Variants in TMEM132C observed in about 807,000 individuals in gnomAD.
The protein encoded by TMEM132C is transmembrane protein 132C, also known as protein phosphatase 1, regulatory subunit 152.
TMEM132C carries 29 observed loss-of-function variants against 61.4 expected under a neutral mutation model. The ratio of observed to expected loss-of-function variants is 0.47; its 90% CI spans 0.35 to 0.64. The LOEUF (loss-of-function observed/expected upper bound fraction) is 0.64, where lower values mean the gene tolerates loss of function less well. Ranked by LOEUF, TMEM132C falls within the 30% of genes least tolerant of loss-of-function variation. TMEM132C has a pLI of 0.00. For synonymous variants in TMEM132C, 656 were observed against 633.1 expected, an observed-to-expected ratio of 1.04 and a Z score of -0.54; for missense variants, 1,408 against 1,476.9, an observed-to-expected ratio of 0.95 and a Z score of 0.76.
At chr12:128,275,124 C>T (rs2097426892) in intron 1 of TMEM132C, among the ~76,000 whole-genome samples, 1 of 152,150 alleles carries the variant, frequency 6.6e-6, no homozygotes, top group Non-Finnish European at 1.5e-5. Flanking sequence ...TAAAGGACAG[C>T]TTTTCTGAGC....
In TMEM132C at chr12:128,608,570, C is replaced by T. The variant is rs1876506000; in HGVS notation, c.1122-7582C>T. Among the ~76,000 whole-genome samples the T allele has an allele frequency of 2.6e-5, 4 of 152,144 alleles. No individual in the cohort carries two copies. In the South Asian group the frequency reaches 8.3e-4, roughly 31 times the overall value. ...TAAGATCTACCCAACCATATCTGTG[C>T]ATAGAAATTAGGAAATAAAGAAAAA... On this transcript the variant is annotated intron_variant, in intron 3 of 8. Coordinates refer to ENST00000435159, the MANE Select transcript of TMEM132C (RefSeq NM_001136103.3).
intron 3 of TMEM132C, among the ~76,000 whole-genome samples, chr12:128,579,655 C>A (rs1231490305): frequency 6.6e-6 from 1 of 152,200 alleles, no homozygotes; most frequent in Non-Finnish European, 1.5e-5. Context: ...GGGTGATCTA[C>A]AAAAGGCCCA....
intron 2 of TMEM132C, among the ~76,000 whole-genome samples, chr12:128,420,332 A>G (rs1868945511): frequency 6.6e-6 from 1 of 152,232 alleles, no homozygotes; most frequent in Non-Finnish European, 1.5e-5. Context: ...GGCTTTGTTG[A>G]AAAAGTGGCA....
chr12:128,474,447 G>A (rs538330569), intron 2 of TMEM132C, among the ~76,000 whole-genome samples: 2 of 152,276 alleles, frequency 1.3e-5, no homozygotes, highest in South Asian at 4.2e-4. Context: ...ATCACACCTA[G>A]GGGTGTCATT....
chr12:128,633,672 A>C (rs1162102740), intron 4 of TMEM132C, among the ~76,000 whole-genome samples: 1 of 152,254 alleles, frequency 6.6e-6, no homozygotes, highest in Non-Finnish European at 1.5e-5. Flanking sequence ...AGAATTAAAT[A>C]GTAGTACCAA....
chr12:128,682,650 A>C (rs11059828), intron 5 of TMEM132C, among the ~76,000 whole-genome samples: 8,612 of 152,308 alleles, frequency 0.057, 435 homozygotes, highest in South Asian at 0.13. Flanking sequence ...AGAAAATATC[A>C]GACATATAAC....
chr12:128,706,426 T>C lies in TMEM132C; in HGVS notation c.*131T>C. 1 of 1,238,186 alleles carries C rather than the reference T, an allele frequency of 8.1e-7. No individual in the cohort carries two copies. The highest frequency in any genetic ancestry group is 1.1e-6 in the Non-Finnish European group (1 of 946,396). 76.7% of individuals were successfully genotyped at this position (1,238,186 alleles called of 1,614,324 possible). Reference sequence around the variant, plus strand: ...GGTCCATGCTAGACCAGTTGGAAAGTTTTGAAGTCAGGAAAAGACGTTTTT... The same window carrying C: ...GGTCCATGCTAGACCAGTTGGAAAGCTTTGAAGTCAGGAAAAGACGTTTTT... On this transcript the variant is annotated 3_prime_UTR_variant, in exon 9 of 9. Transcript: ENST00000435159.
Position 128,703,255 on chromosome 12 carries a change from C to G in TMEM132C, c.2122-1835C>G, listed in dbSNP as rs146925660. On this transcript the variant is annotated intron_variant, in intron 8 of 8. Coordinates refer to ENST00000435159, the MANE Select transcript of TMEM132C (RefSeq NM_001136103.3). ...ATTATTTCATGACCCAGGTATTAAG[C>G]CTAGTACCCATTAGTTATTATTCTT... Among the ~76,000 whole-genome samples, 3 of 152,168 alleles carry G rather than the reference C, an allele frequency of 2.0e-5. No individual in the cohort carries two copies. In the East Asian group the frequency reaches 5.8e-4, roughly 29 times the overall value.
intron 3 of TMEM132C, among the ~76,000 whole-genome samples, chr12:128,591,602 C>T (rs1012828899): frequency 3.3e-5 from 5 of 152,146 alleles, no homozygotes; most frequent in African/African-American, 1.2e-4. Context: ...ATGATATGTA[C>T]ACTTAGGAGT....
chr12:128,702,515 T>G (rs1429706019), intron 8 of TMEM132C, among the ~76,000 whole-genome samples: 1 of 152,196 alleles, frequency 6.6e-6, no homozygotes, highest in Non-Finnish European at 1.5e-5. Flanking sequence ...TGTGTAAATG[T>G]TTAACACAAC....
At chr12:128,518,456 G>A (rs1872791577) in intron 2 of TMEM132C, among the ~76,000 whole-genome samples, 1 of 152,162 alleles carries the variant, frequency 6.6e-6, no homozygotes, top group Admixed American at 6.5e-5. Flanking sequence ...AGAGACTGAG[G>A]GTTGTTGTAG....
chr12:128,609,431 G>C (rs1935302937), intron 3 of TMEM132C, among the ~76,000 whole-genome samples: 1 of 151,618 alleles, frequency 6.6e-6, no homozygotes, highest in African/African-American at 2.4e-5. Context: ...TGTTTTGTTT[G>C]TTTGTTTGTG....
chr12:128,510,307 C>G lies in TMEM132C; in HGVS notation c.975-33650C>G, dbSNP rs192890699. On this transcript the variant is annotated intron_variant, in intron 2 of 8. Transcript: ENST00000435159. ...ACCCTATAAAACATTTACAGGCCAACAACACCATGACTGAGAAAGGACACT... is the reference window on the plus strand; with the variant it reads ...ACCCTATAAAACATTTACAGGCCAAGAACACCATGACTGAGAAAGGACACT... Among the ~76,000 whole-genome samples, 98 of 152,330 alleles carry G rather than the reference C, an allele frequency of 6.4e-4. No individual in the cohort carries two copies. In the East Asian group the frequency reaches 0.017, roughly 27 times the overall value.
chr12:128,304,333 C>T lies in TMEM132C; in HGVS notation c.85+36846C>T, dbSNP rs572025320. ...ATGCTCAGCTTTAGAAACAGCCTTTCAGGCTGGGCGTGGTGGCTCATGCCT... is the reference window on the plus strand; with the variant it reads ...ATGCTCAGCTTTAGAAACAGCCTTTTAGGCTGGGCGTGGTGGCTCATGCCT... On this transcript the variant is annotated intron_variant, in intron 1 of 8. Coordinates refer to ENST00000435159, the MANE Select transcript of TMEM132C (RefSeq NM_001136103.3). 3.7e-4 allele frequency among the ~76,000 whole-genome samples: 56 copies of T among 151,750 alleles called. 1 individual carries two copies. Among genetic ancestry groups the T allele is most frequent in the African/African-American group, 1.4e-3 (56 of 41,382 alleles).
chr12:128,508,393 G>A (rs543412935), intron 2 of TMEM132C, among the ~76,000 whole-genome samples: 15 of 152,280 alleles, frequency 9.9e-5, no homozygotes, highest in African/African-American at 3.6e-4. Context: ...ATATCAGTGG[G>A]TGACCCATCC....
chr12:128,385,786 A>G (rs904264109), intron 1 of TMEM132C, among the ~76,000 whole-genome samples: 1 of 152,216 alleles, frequency 6.6e-6, no homozygotes, highest in African/African-American at 2.4e-5. Flanking sequence ...CAACCCATCA[A>G]AAATAACTAG....
At position 128,544,013 on chromosome 12, in the gene TMEM132C, A is replaced by G; in HGVS notation, c.1031A>G (p.Gln344Arg). Residue 344 changes from glutamine to arginine, a missense_variant, in exon 3 of 9, where the codon CAG becomes CGG. Coordinates refer to ENST00000435159, the MANE Select transcript of TMEM132C (RefSeq NM_001136103.3). ...ILSAQTREPR[Q>R]WGVKQEVGSG... The stretch of plus-strand genomic sequence containing the variant: ...AGTGCTCAGACCCGTGAGCCCCGGC[A>G]GTGGGGCGTCAAGCAGGAGGTGGGC... 1 of 1,549,202 alleles carries G rather than the reference A, an allele frequency of 6.5e-7. No individual in the cohort carries two copies. Among genetic ancestry groups the G allele is most frequent in the Non-Finnish European group, 8.7e-7 (1 of 1,145,956 alleles).
At chr12:128,613,224 A>G (rs1283400404) in intron 3 of TMEM132C, among the ~76,000 whole-genome samples, 2 of 152,214 alleles carry the variant, frequency 1.3e-5, no homozygotes, top group East Asian at 3.8e-4. Flanking sequence ...CCTGGACAGC[A>G]CCAGTACTGG....
intron 2 of TMEM132C, among the ~76,000 whole-genome samples, chr12:128,523,693 A>T (rs1352122224): frequency 6.6e-6 from 1 of 152,086 alleles, no homozygotes; most frequent in Non-Finnish European, 1.5e-5. Flanking sequence ...CTGTAAAAAA[A>T]TAAACAAAAC....
Sources: allele counts gnomAD v4.1 joint callset (sites outside exome capture counted in the v4.1 genomes callset), GRCh38; gene constraint gnomAD v4.1.1; transcripts MANE v1.5; gene names NCBI Gene and HGNC (gene_info 2026-07-23, HGNC 2026-07-21).